The following WDCP variants were observed in gnomAD, a reference collection of about 807,000 sequenced individuals.
The protein encoded by WDCP is WD repeat and coiled coil containing, also known as WD repeat and coiled-coil-containing protein.
WDCP carries 19 observed loss-of-function variants against 41.6 expected under a neutral mutation model. The ratio of observed to expected loss-of-function variants is 0.46; its 90% CI spans 0.32 to 0.67. The LOEUF (loss-of-function observed/expected upper bound fraction) is 0.67. Ranked by LOEUF, WDCP falls within the 30% of genes least tolerant of loss-of-function variation. The pLI, the probability that WDCP is intolerant of heterozygous loss-of-function variation, is 0.04. For synonymous variants in WDCP, 302 were observed against 320.8 expected, an observed-to-expected ratio of 0.94 and a Z score of 0.63; for missense variants, 802 against 850.7, an observed-to-expected ratio of 0.94 and a Z score of 0.71.
Position 24,029,687 on chromosome 2 carries a change from C to A in WDCP, c.*1246G>T, listed in dbSNP as rs1441386537. 6.6e-6 allele frequency: 1 copy of A among 152,200 alleles called. No individual in the cohort carries two copies. The highest frequency in any genetic ancestry group is 1.5e-5 in the Non-Finnish European group (1 of 68,052). The allele number at this position is 152,200 out of a possible 1,614,324, so 9.4% of individuals were successfully genotyped here. Reference sequence around the variant, plus strand: ...TAAACTGTAACAGACAGACAGGAGTCCCCAAGGGCACAAAATAGTTTCTTT... The same window carrying A: ...TAAACTGTAACAGACAGACAGGAGTACCCAAGGGCACAAAATAGTTTCTTT... On this transcript the variant is annotated 3_prime_UTR_variant, in exon 4 of 4. Coordinates refer to ENST00000295148, the MANE Select transcript of WDCP (RefSeq NM_025203.3).
Position 24,039,006 on chromosome 2 carries a change from A to AC in WDCP, c.488dup (p.Cys163TrpfsTer39). ...CCAGCCTCAGGCCATCCTGGGTCCA[A>AC]CATGCACAGTGAATGCGGCCCTGGG... On this transcript the variant is annotated frameshift_variant, in exon 2 of 4. Transcript: ENST00000295148. LOFTEE classifies it high-confidence loss of function. The AC allele has an allele frequency of 6.2e-7, 1 of 1,614,184 alleles. No homozygotes were observed. The highest frequency in any genetic ancestry group is 8.5e-7 in the Non-Finnish European group (1 of 1,180,042).
chr2:24,035,784 A>G (rs1663227825), intron 2 of WDCP, among the ~76,000 whole-genome samples: 1 of 151,740 alleles, frequency 6.6e-6, no homozygotes, highest in South Asian at 2.1e-4. Context: ...ATTAAAAAAA[A>G]ATTAGGCCGG....
rs780826421 is a variant in WDCP at position 24,031,103 on chromosome 2, C to T, written c.1996G>A (p.Ala666Thr). 6.2e-7 allele frequency: 1 copy of T among 1,614,184 alleles called. No individual in the cohort carries two copies. The highest frequency in any genetic ancestry group is 2.2e-5 in the East Asian group (1 of 44,892). The change falls in exon 4 of 4, where the codon GCC becomes ACC. Residue 666 changes from alanine to threonine, a missense_variant. Transcript: ENST00000295148. ...SEGFIPLTFT[A>T]TQEIIIRDGS... ...TCTCTTATGATTATTTCCTGTGTGG[C>T]TGTGAAGGTTAACGGGATAAAGCCC... is the stretch of plus-strand genomic sequence containing the variant.
chr2:24,042,696 T>G, intron 1 of WDCP, among the ~76,000 whole-genome samples: 1 of 142,050 alleles, frequency 7.0e-6, no homozygotes, highest in African/African-American at 2.7e-5. Flanking sequence ...GCAACAAGAG[T>G]GAAACTCTGT....
chr2:24,041,357 T>C (rs1210327176), intron 1 of WDCP, among the ~76,000 whole-genome samples: 2 of 146,462 alleles, frequency 1.4e-5, no homozygotes, highest in African/African-American at 5.0e-5. Flanking sequence ...AAAAAAAAAC[T>C]GTTCCCTCCT....
At chr2:24,035,785 A>G (rs1663227942) in intron 2 of WDCP, among the ~76,000 whole-genome samples, 2 of 151,830 alleles carry the variant, frequency 1.3e-5, no homozygotes, top group South Asian at 4.2e-4. Context: ...TTAAAAAAAA[A>G]TTAGGCCGGG....
rs1218153502 is a variant in WDCP, at chr2:24,029,386, T to G, written c.*1547A>C. 1 of 152,216 alleles carries G rather than the reference T, an allele frequency of 6.6e-6. No individual in the cohort carries two copies. The highest frequency in any genetic ancestry group is 1.5e-5 in the Non-Finnish European group (1 of 68,042). The allele number at this position is 152,216 out of a possible 1,614,324, so 9.4% of individuals were successfully genotyped here. ...TTTATTGAAGACTTATTCACAGTAT[T>G]TTGACCTGAGAAATGGTGATTTTAA... On this transcript the variant is annotated 3_prime_UTR_variant, in exon 4 of 4. Coordinates refer to ENST00000295148, the MANE Select transcript of WDCP (RefSeq NM_025203.3).
At position 24,030,824 on chromosome 2, in the gene WDCP, C is replaced by T. The variant is rs949762017; in HGVS notation, c.*109G>A. On this transcript the variant is annotated 3_prime_UTR_variant, in exon 4 of 4. Transcript: ENST00000295148. Reference sequence around the variant, plus strand: ...AACCAGGAGAGCCGACCATGGCAAGCGCTTCGCCTGAGTGCAGTGGGAGTC... The same window carrying T: ...AACCAGGAGAGCCGACCATGGCAAGTGCTTCGCCTGAGTGCAGTGGGAGTC... The T allele has an allele frequency of 1.8e-5, 15 of 820,738 alleles. No homozygotes were observed. Among genetic ancestry groups the T allele is most frequent in the Non-Finnish European group, 2.3e-5 (12 of 514,346 alleles). 50.8% of individuals were successfully genotyped at this position (820,738 alleles called of 1,614,324 possible).
At chr2:24,037,275 G>A (rs10170821) in intron 2 of WDCP, among the ~76,000 whole-genome samples, 3 of 152,058 alleles carry the variant, frequency 2.0e-5, no homozygotes, top group African/African-American at 4.8e-5. Flanking sequence ...CACTTGCCTC[G>A]GCCTCCCAAA....
chr2:24,036,079 A>C (rs1663245417), intron 2 of WDCP, among the ~76,000 whole-genome samples: 1 of 148,552 alleles, frequency 6.7e-6, no homozygotes, highest in Non-Finnish European at 1.5e-5. Flanking sequence ...TAAATAAATA[A>C]ATAAATAAAT....
chr2:24,039,577 T>TTA, intron 1 of WDCP, 65 bp from the exon 2 acceptor site: 1 of 1,462,140 alleles, frequency 6.8e-7, no homozygotes, highest in Admixed American at 1.9e-5. Context: ...TGTAGGACAT[T>TTA]TGGTAAGACA....
chr2:24,033,515 C>T (rs141878740), intron 2 of WDCP, among the ~76,000 whole-genome samples: 2 of 152,146 alleles, frequency 1.3e-5, no homozygotes, highest in African/African-American at 2.4e-5. Context: ...CTAAGATGGA[C>T]AGATCACTTG....
intron 2 of WDCP, among the ~76,000 whole-genome samples, chr2:24,036,192 C>T (rs1231767394): frequency 6.6e-6 from 1 of 151,006 alleles, no homozygotes; most frequent in East Asian, 1.9e-4. Context: ...GTTAATGTGG[C>T]AAAAATCCTC....
In WDCP at chr2:24,030,606, C is replaced by T. The variant is rs1663073442; in HGVS notation, c.*327G>A. On this transcript the variant is annotated 3_prime_UTR_variant, in exon 4 of 4. Transcript: ENST00000295148. The stretch of plus-strand genomic sequence containing the variant: ...AAGACAGCTTCAATGCAGCTTTGGA[C>T]AAGGGACACAAAGCCTCAGAGAAAC... 4.2e-6 allele frequency: 1 copy of T among 237,298 alleles called. No homozygotes were observed. Among genetic ancestry groups the T allele is most frequent in the East Asian group, 8.9e-5 (1 of 11,242 alleles). 14.7% of individuals were successfully genotyped at this position (237,298 alleles called of 1,614,324 possible).
intron 2 of WDCP, among the ~76,000 whole-genome samples, chr2:24,034,304 C>A (rs1473002682): frequency 1.3e-5 from 2 of 152,102 alleles, no homozygotes; most frequent in Non-Finnish European, 2.9e-5. Flanking sequence ...ACCTGTAATC[C>A]CAACTACCTG....
chr2:24,038,497 T>A lies in WDCP; in HGVS notation c.998A>T (p.Lys333Ile). 1 of 1,614,232 alleles carries A rather than the reference T, an allele frequency of 6.2e-7. No homozygotes were observed. The highest frequency in any genetic ancestry group is 1.3e-5 in the African/African-American group (1 of 75,058). The change falls in exon 2 of 4, where the codon AAA becomes ATA. Residue 333 changes from lysine (K) to isoleucine (I), a missense_variant. Lys to Ile is a moderately radical substitution (Grantham distance 102). Coordinates refer to ENST00000295148, the MANE Select transcript of WDCP (RefSeq NM_025203.3). ...AACCAGAATGCCTGGAATAGTGACT[T>A]TTCTCGTCATGGTAACTGCCTTCTT... ...TFKKAVTMTRKVTIPGILVPD... is the reference protein window; with the variant it reads ...TFKKAVTMTRIVTIPGILVPD...
chr2:24,039,260 C>T lies in WDCP; in HGVS notation c.235G>A (p.Val79Ile). The T allele has an allele frequency of 6.2e-7, 1 of 1,614,232 alleles. No homozygotes were observed. Among genetic ancestry groups the T allele is most frequent in the Non-Finnish European group, 8.5e-7 (1 of 1,180,046 alleles). Residue 79 changes from valine (V) to isoleucine (I), a missense_variant, in exon 2 of 4, where the codon GTC becomes ATC. Coordinates refer to ENST00000295148, the MANE Select transcript of WDCP (RefSeq NM_025203.3). Reference sequence around the variant, plus strand: ...ACAGTGACATGCTTCTCATGCTGGACAGCGAGTAGAACAGGTGTATCATCT... The same window carrying T: ...ACAGTGACATGCTTCTCATGCTGGATAGCGAGTAGAACAGGTGTATCATCT... ...VADDTPVLLA[V>I]QHEKHVTVWQ...
rs1262243637 is a variant in WDCP at position 24,030,393 on chromosome 2, C to A, written c.*540G>T. On this transcript the variant is annotated 3_prime_UTR_variant, in exon 4 of 4. Transcript: ENST00000295148. The stretch of plus-strand genomic sequence containing the variant: ...TTTAAATTCTGGGAGGTCCAGGCAA[C>A]ATCAGAGCCACTTCCTGTTCCTGAG... 1.3e-5 allele frequency: 2 copies of A among 152,260 alleles called. No individual in the cohort carries two copies. The highest frequency in any genetic ancestry group is 2.9e-5 in the Non-Finnish European group (2 of 68,096). 9.4% of individuals were successfully genotyped at this position (152,260 alleles called of 1,614,324 possible).
Position 24,037,044 on chromosome 2 carries a change from T to A in WDCP, c.1818+633A>T, listed in dbSNP as rs1480372725. On this transcript the variant is annotated intron_variant, in intron 2 of 3. Coordinates refer to ENST00000295148, the MANE Select transcript of WDCP (RefSeq NM_025203.3). The stretch of plus-strand genomic sequence containing the variant: ...ATGAACATAACCTTTTCCTTTTTCT[T>A]TGAGACGGAGTCTCGCCCTGTTGCC... 2.0e-5 allele frequency among the ~76,000 whole-genome samples: 3 copies of A among 152,276 alleles called. No homozygotes were observed. In the East Asian group the frequency reaches 5.8e-4, roughly 29 times the overall value.
Sources: gnomAD v4.1 joint callset for allele counts (sites outside exome capture counted in the v4.1 genomes callset) on GRCh38, gnomAD v4.1.1 for gene constraint, MANE v1.5 for transcripts, NCBI Gene and HGNC (gene_info 2026-07-23, HGNC 2026-07-21) for gene names.